Variants in DPH6 observed in about 807,000 individuals in gnomAD.
DPH6 encodes diphthamine biosynthesis 6, also known as diphthine--ammonia ligase.
Under a neutral mutation model 38.2 loss-of-function variants are expected in DPH6, and 33 were observed. The observed-to-expected ratio is 0.86, with a 90% CI of 0.65 to 1.15. The LOEUF (loss-of-function observed/expected upper bound fraction) is 1.15, where lower values mean the gene tolerates loss of function less well. DPH6 is among the 50% of genes most tolerant of loss of function. The probability of loss-of-function intolerance (pLI) is 0.00; values close to 1 mark genes in which losing one functional copy is unlikely to be tolerated. For missense variants in DPH6, 325 were observed against 320.0 expected, an observed-to-expected ratio of 1.02 and a Z score of -0.12; for synonymous variants, 108 against 103.0, an observed-to-expected ratio of 1.05 and a Z score of -0.30.
chr15:35,416,872 C>T (rs376443495), intron 5 of DPH6, among the ~76,000 whole-genome samples: 17 of 152,182 alleles, frequency 1.1e-4, no homozygotes, highest in Admixed American at 2.0e-4. Flanking sequence ...GCAAAAGCAA[C>T]GGCCTGAAGC....
At chr15:35,281,027 A>T (rs905041554) in intron 3 of DPH6, among the ~76,000 whole-genome samples, 1 of 152,170 alleles carries the variant, frequency 6.6e-6, no homozygotes, top group African/African-American at 2.4e-5. Context: ...ATATGTATAC[A>T]TGTGCCATGC....
At chr15:35,364,163 T>A (rs2052637046) in intron 3 of DPH6, among the ~76,000 whole-genome samples, 1 of 152,020 alleles carries the variant, frequency 6.6e-6, no homozygotes, top group East Asian at 1.9e-4. Flanking sequence ...TTTTCTTAGT[T>A]TTTGTTTGAA....
chr15:35,485,472 C>T (rs886312471), intron 3 of DPH6, among the ~76,000 whole-genome samples: 7 of 152,210 alleles, frequency 4.6e-5, no homozygotes, highest in Non-Finnish European at 1.0e-4. Flanking sequence ...TTGCTCAAAA[C>T]ATCAGCATGG....
chr15:35,373,034 T>TTAAAATAAAAC (rs1452383770), intron 8 of DPH6, among the ~76,000 whole-genome samples: 1 of 151,938 alleles, frequency 6.6e-6, no homozygotes, highest in African/African-American at 2.4e-5. Context: ...GACAGTGTAT[T>TTAAAATAAAAC]TAAAATAAAA....
intron 3 of DPH6, among the ~76,000 whole-genome samples, chr15:35,239,152 C>T (rs1279679472): frequency 2.8e-5 from 4 of 143,934 alleles, no homozygotes; most frequent in South Asian, 4.8e-4. Flanking sequence ...GATCCACCTA[C>T]GACCTCAGGT....
chr15:35,369,853 G>A (rs2052694931), downstream of DPH6, among the ~76,000 whole-genome samples: 1 of 151,626 alleles, frequency 6.6e-6, no homozygotes, highest in East Asian at 1.9e-4. Context: ...AAGTTTTTTT[G>A]TGGATACGGA....
chr15:35,460,858 A>T, intron 3 of DPH6, among the ~76,000 whole-genome samples: 1 of 151,566 alleles, frequency 6.6e-6, no homozygotes, highest in South Asian at 2.1e-4. Context: ...CAATTTTAAC[A>T]ATAGAGACGG....
At chr15:35,148,937 C>A in the DPH6 span, among the ~76,000 whole-genome samples, 1 of 152,158 alleles carries the variant, frequency 6.6e-6, no homozygotes, top group Non-Finnish European at 1.5e-5. Context: ...TCTTATGCTT[C>A]ATTAAAGAAT....
intron 3 of DPH6, among the ~76,000 whole-genome samples, chr15:35,486,622 T>C (rs186856325): frequency 2.2e-4 from 33 of 152,170 alleles, no homozygotes; most frequent in South Asian, 2.1e-3. Context: ...TCCTGACACA[T>C]GGGGATTATA....
intron 3 of DPH6, among the ~76,000 whole-genome samples, chr15:35,527,063 G>C (rs373587382): frequency 5.1e-4 from 78 of 152,148 alleles, no homozygotes; most frequent in African/African-American, 1.9e-3. Flanking sequence ...TTTCACAACT[G>C]AACGTTTATC....
intron 3 of DPH6, among the ~76,000 whole-genome samples, chr15:35,350,399 A>C (rs2052499990): frequency 6.9e-6 from 1 of 144,434 alleles, no homozygotes; most frequent in African/African-American, 2.6e-5. Flanking sequence ...TAGTTTTGTT[A>C]ATTTTTAAAA....
At chr15:35,461,229 G>A (rs188144989) in intron 3 of DPH6, among the ~76,000 whole-genome samples, 10 of 152,244 alleles carry the variant, frequency 6.6e-5, no homozygotes, top group Non-Finnish European at 8.8e-5. Flanking sequence ...GACTACAGGC[G>A]CGTGCCACCA....
intron 6 of DPH6, among the ~76,000 whole-genome samples, chr15:35,384,544 T>C (rs2052918367): frequency 6.6e-6 from 1 of 151,564 alleles, no homozygotes; most frequent in South Asian, 2.1e-4. Flanking sequence ...GAAAAAAAAA[T>C]CCCAGCTACT....
chr15:35,484,742 G>A (rs1227455976), intron 3 of DPH6, among the ~76,000 whole-genome samples: 1 of 152,144 alleles, frequency 6.6e-6, no homozygotes, highest in Admixed American at 6.5e-5. Context: ...CATGCAAAGG[G>A]AAATTACAAA....
At chr15:35,508,440 T>C (rs2054725418) in intron 3 of DPH6, among the ~76,000 whole-genome samples, 1 of 152,140 alleles carries the variant, frequency 6.6e-6, no homozygotes, top group Non-Finnish European at 1.5e-5. Context: ...TAAAACATGT[T>C]ACAACATGTT....
intron 3 of DPH6, among the ~76,000 whole-genome samples, chr15:35,271,902 G>A (rs1305811623): frequency 2.0e-5 from 3 of 152,216 alleles, no homozygotes; most frequent in South Asian, 4.1e-4. Context: ...ACACAGCTGT[G>A]TTTAAACTTG....
chr15:35,386,566 G>A (rs1272879204), intron 6 of DPH6, among the ~76,000 whole-genome samples: 3 of 152,092 alleles, frequency 2.0e-5, no homozygotes, highest in Non-Finnish European at 4.4e-5. Flanking sequence ...ATCTCATTGT[G>A]GTTTTGATTT....
chr15:35,394,816 T>C (rs555156122), intron 6 of DPH6, among the ~76,000 whole-genome samples: 142 of 152,274 alleles, frequency 9.3e-4, no homozygotes, highest in African/African-American at 3.3e-3. Context: ...ACATAACATA[T>C]ACTCAATAAA....
At chr15:35,339,187 AAT>A (rs919824380) in intron 3 of DPH6, among the ~76,000 whole-genome samples, 9 of 151,538 alleles carry the variant, frequency 5.9e-5, no homozygotes, top group African/African-American at 1.9e-4. Context: ...TATAATAAAA[AAT>A]ATATATATAA....
Sources: gnomAD v4.1 joint callset for allele counts (sites outside exome capture counted in the v4.1 genomes callset) on GRCh38, gnomAD v4.1.1 for gene constraint, MANE v1.5 for transcripts, NCBI Gene and HGNC (gene_info 2026-07-23, HGNC 2026-07-21) for gene names.